Variants in HNRNPL observed in about 807,000 individuals in gnomAD.
HNRNPL encodes the protein epididymis secretory sperm binding protein.
A neutral mutation model predicts 64.0 loss-of-function variants in HNRNPL; 12 were observed. The ratio of observed to expected loss-of-function variants is 0.19; its 90% CI spans 0.12 to 0.30. HNRNPL has a LOEUF of 0.30. Ranked by LOEUF, HNRNPL falls within the 10% of genes least tolerant of loss-of-function variation. The pLI, the probability that HNRNPL is intolerant of heterozygous loss-of-function variation, is 1.00. For synonymous variants in HNRNPL, 385 were observed against 313.0 expected, an observed-to-expected ratio of 1.23 and a Z score of -2.43; for missense variants, 484 against 797.4, an observed-to-expected ratio of 0.61 and a Z score of 4.73.
intron 1 of HNRNPL, among the ~76,000 whole-genome samples, chr19:38,848,082 A>G (rs1972360969): frequency 6.6e-6 from 1 of 151,368 alleles, no homozygotes; most frequent in Non-Finnish European, 1.5e-5. Context: ...GAAAAACCAG[A>G]CAAGAAAAGT....
chr19:38,849,379 T>C (rs377451479), intron 1 of HNRNPL: 2 of 286,974 alleles, frequency 7.0e-6, no homozygotes, highest in Non-Finnish European at 6.5e-6. Context: ...GCGAAGAAAA[T>C]GATAAAGGGG....
At chr19:38,836,838 G>T in intron 12 of HNRNPL, 58 bp from the exon 13 acceptor site, 1 of 1,333,540 alleles carries the variant, frequency 7.5e-7, no homozygotes, top group Non-Finnish European at 1.1e-6. Flanking sequence ...CCAAACCCAG[G>T]TCCCCTCAAG....
chr19:38,849,719 G>A lies in HNRNPL; in HGVS notation c.248C>T (p.Ala83Val), dbSNP rs1302400321. 11 of 1,363,564 alleles carry A rather than the reference G, an allele frequency of 8.1e-6. No homozygotes were observed. Among genetic ancestry groups the A allele is most frequent in the South Asian group, 1.8e-5 (1 of 56,386 alleles). 84.5% of individuals were successfully genotyped at this position (1,363,564 alleles called of 1,614,324 possible). Residue 83 changes from alanine (A) to valine (V), a missense_variant, in exon 1 of 13, where the codon GCG becomes GTG. Physicochemically the swap from Ala to Val is moderately conservative, Grantham distance 64. This residue lies in a region of HNRNPL where 190 missense variants were observed against 160.1 expected (regional missense o/e 1.19). Transcript: ENST00000221419. ...GGGGGGGAGA[A>V]GGGGGGENYD... ...CCTCACCCCACCGCCGCCGCCGCCC[G>A]CCGCCCCGGCTCCTCCACCGCCACC...
upstream of HNRNPL, chr19:38,850,223 A>C: frequency 1.0e-5 from 4 of 393,200 alleles, no homozygotes; most frequent in East Asian, 3.9e-5. Flanking sequence ...ATAAAATCCA[A>C]TTTGATAGGT....
intron 1 of HNRNPL, chr19:38,847,716 G>T (rs751818286): frequency 4.5e-6 from 1 of 222,706 alleles, no homozygotes; most frequent in Non-Finnish European, 8.8e-6. Context: ...CAAATCTTAC[G>T]TTCTTCCAGG....
chr19:38,846,174 C>T (rs957011715), intron 2 of HNRNPL, 84 bp from the exon 3 acceptor site: 3 of 991,598 alleles, frequency 3.0e-6, no homozygotes, highest in Non-Finnish European at 4.8e-6. Flanking sequence ...AGAACTGACT[C>T]CTCCATGGCC....
chr19:38,837,323 C>T (rs901383886), intron 12 of HNRNPL, 61 bp downstream of exon 12: 4 of 1,369,880 alleles, frequency 2.9e-6, no homozygotes, highest in Admixed American at 3.4e-5. Context: ...CATCCCTGGC[C>T]TGAAGCCAGC....
chr19:38,846,041 C>G lies in HNRNPL; in HGVS notation c.436G>C (p.Asp146His). ...KKRQALVEFE[D>H]VLGACNAVNY... ...ACTGCGTTGCAAGCCCCCAACACATCTTCAAACTCCACCAGTGCTTGTCTC... is the reference window on the plus strand; with the variant it reads ...ACTGCGTTGCAAGCCCCCAACACATGTTCAAACTCCACCAGTGCTTGTCTC... Residue 146 changes from aspartate (D) to histidine (H), a missense_variant, in exon 3 of 13, where the codon GAT (aspartate) becomes CAT (histidine). This residue lies in a region of HNRNPL where 23 missense variants were observed against 70.8 expected (regional missense o/e 0.32). Transcript: ENST00000221419. The G allele has an allele frequency of 6.2e-7, 1 of 1,614,204 alleles. No individual in the cohort carries two copies. Among genetic ancestry groups the G allele is most frequent in the Non-Finnish European group, 8.5e-7 (1 of 1,180,024 alleles).
At chr19:38,838,128 A>G (rs748243245) in intron 10 of HNRNPL, among the ~76,000 whole-genome samples, 3 of 152,232 alleles carry the variant, frequency 2.0e-5, no homozygotes, top group African/African-American at 4.8e-5. Context: ...CAGCTTTCCC[A>G]GCAAACGAGC....
At chr19:38,838,841 C>T (rs1308278516) in intron 9 of HNRNPL, 53 bp downstream of exon 9, 5 of 1,611,528 alleles carry the variant, frequency 3.1e-6, no homozygotes, top group Non-Finnish European at 4.2e-6. Context: ...GCCCCATTCC[C>T]CTCCTTTTCT....
chr19:38,840,105 A>G lies in HNRNPL; in HGVS notation c.1224T>C (p.Asn408=), dbSNP rs748154381. ...RVFNVFCLYG[N]VEKVKFMKSK... The stretch of plus-strand genomic sequence containing the variant: ...CCCGGCAGCAGCTCACCTTCTCCAC[A>G]TTGCCATATAAGCAGAAGACATTGA... The change falls in exon 8 of 13, where the codon AAT becomes AAC. Residue 408 remains asparagine (N), a synonymous_variant. Coordinates refer to ENST00000221419, the MANE Select transcript of HNRNPL (RefSeq NM_001533.3). 13 of 1,602,668 alleles carry G rather than the reference A, an allele frequency of 8.1e-6. No homozygotes were observed. Among genetic ancestry groups the G allele is most frequent in the East Asian group, 2.3e-5 (1 of 43,938 alleles).
At chr19:38,837,996 T>G (rs1214324559) in intron 10 of HNRNPL, among the ~76,000 whole-genome samples, 1 of 152,178 alleles carries the variant, frequency 6.6e-6, no homozygotes, top group Non-Finnish European at 1.5e-5. Context: ...TTCCGCTGCC[T>G]CAGTTCCCCC....
intron 8 of HNRNPL, 28 bp downstream of exon 8, chr19:38,840,068 G>C: frequency 1.2e-6 from 2 of 1,611,574 alleles, no homozygotes; most frequent in South Asian, 2.2e-5. Flanking sequence ...GCTCAGCGAG[G>C]AACCCAGGGG....
chr19:38,841,351 TAAG>T (rs1171606020), intron 6 of HNRNPL: 1 of 349,764 alleles, frequency 2.9e-6, no homozygotes, highest in South Asian at 2.2e-5. Flanking sequence ...ATTTTACAGA[TAAG>T]AAGACTGAGT....
At position 38,836,811 on chromosome 19, in the gene HNRNPL, C is replaced by T. The variant is rs752034730; in HGVS notation, c.1712-31G>A. On this transcript the variant is annotated intron_variant, in intron 12 of 12. Transcript: ENST00000221419. Reference sequence around the variant, plus strand: ...AAGGAGAGACAAGTTTGGTTGGTTCCCGTCTTTGGAGGCTCCCCAAACCCA... The same window carrying T: ...AAGGAGAGACAAGTTTGGTTGGTTCTCGTCTTTGGAGGCTCCCCAAACCCA... 4 of 1,577,952 alleles carry T rather than the reference C, an allele frequency of 2.5e-6. No homozygotes were observed. The South Asian group carries it at 3.4e-5, about 14-fold the overall frequency.
intron 9 of HNRNPL, 66 bp from the exon 10 acceptor site, chr19:38,838,664 G>A: frequency 6.7e-7 from 1 of 1,494,146 alleles, no homozygotes; most frequent in South Asian, 1.1e-5. Flanking sequence ...TTCCCCTGTG[G>A]CCTCCAGAGG....
intron 6 of HNRNPL, chr19:38,841,545 T>G: frequency 1.5e-6 from 1 of 666,818 alleles, no homozygotes; most frequent in Non-Finnish European, 2.4e-6. Context: ...GGAAAAGGAC[T>G]ACTTACAGCA....
In HNRNPL at chr19:38,847,453, A is replaced by G; in HGVS notation, c.268-19T>C. The G allele has an allele frequency of 7.0e-7, 1 of 1,430,398 alleles. No individual in the cohort carries two copies. Among genetic ancestry groups the G allele is most frequent in the Non-Finnish European group, 9.4e-7 (1 of 1,062,806 alleles). 88.6% of individuals were successfully genotyped at this position (1,430,398 alleles called of 1,614,324 possible). On this transcript the variant is annotated intron_variant, in intron 1 of 12. Transcript: ENST00000221419. ...AGTTCTCCTGAGAAAGGAAGCAAAA[A>G]CAAGAATTATTTTCTTGCTGTACAA...
chr19:38,845,455 T>A (rs893862400), intron 4 of HNRNPL, 195 bp downstream of exon 4: 7 of 602,510 alleles, frequency 1.2e-5, no homozygotes, highest in Non-Finnish European at 2.1e-5. Flanking sequence ...CTCTCTCCCC[T>A]AAGATCTGCA....
Sources: allele counts gnomAD v4.1 joint callset (sites outside exome capture counted in the v4.1 genomes callset), GRCh38; gene constraint gnomAD v4.1.1; regional missense constraint gnomAD v4.1.1; transcripts MANE v1.5; gene names NCBI Gene and HGNC (gene_info 2026-07-23, HGNC 2026-07-21).